ANO2: variants seen among roughly 807,000 people sequenced by gnomAD.
ANO2 encodes the protein anoctamin-2.
Under a neutral mutation model 124.2 loss-of-function variants are expected in ANO2, and 101 were observed. The ratio of observed to expected loss-of-function variants is 0.81; its 90% CI spans 0.69 to 0.96. ANO2 has a LOEUF of 0.96. Ranked by LOEUF, ANO2 falls within the 40% of genes least tolerant of loss-of-function variation. The probability of loss-of-function intolerance (pLI) is 0.00; values close to 1 mark genes in which losing one functional copy is unlikely to be tolerated. For missense variants in ANO2, 1,293 were observed against 1,274.5 expected (o/e 1.01, Z -0.22); for synonymous variants, 486 against 482.5 (o/e 1.01, Z -0.09).
intron 14 of ANO2, among the ~76,000 whole-genome samples, chr12:5,709,058 C>T (rs542158137): frequency 6.6e-6 from 1 of 152,324 alleles, no homozygotes; most frequent in South Asian, 2.1e-4. Context: ...GCTCAATAAG[C>T]ACTTTTTAAA....
chr12:5,750,033 C>A (rs1326551221), intron 11 of ANO2, among the ~76,000 whole-genome samples: 1 of 151,902 alleles, frequency 6.6e-6, no homozygotes, highest in Admixed American at 6.6e-5. Context: ...TGGGCTCAAG[C>A]AGTTCTCCTG....
intron 18 of ANO2, 31 bp downstream of exon 18, chr12:5,612,870 C>T: frequency 6.2e-7 from 1 of 1,613,228 alleles, no homozygotes; most frequent in East Asian, 2.2e-5. Flanking sequence ...GGTTGGGGTG[C>T]CAGGCATGAA....
At chr12:5,712,392 G>A (rs932924571) in intron 14 of ANO2, among the ~76,000 whole-genome samples, 3 of 152,260 alleles carry the variant, frequency 2.0e-5, no homozygotes, top group South Asian at 2.1e-4. Context: ...GTCCTTGTAA[G>A]TGACAGAGGG....
At chr12:5,817,068 A>G (rs533428704) in intron 7 of ANO2, among the ~76,000 whole-genome samples, 12 of 152,338 alleles carry the variant, frequency 7.9e-5, no homozygotes, top group African/African-American at 2.9e-4. Flanking sequence ...AAACCCTCAG[A>G]TTCTCACACA....
chr12:5,630,273 C>A (rs1002643859), intron 16 of ANO2, among the ~76,000 whole-genome samples: 1 of 152,202 alleles, frequency 6.6e-6, no homozygotes, highest in Non-Finnish European at 1.5e-5. Context: ...GAATGGCAAA[C>A]GAAGTCTTAA....
At chr12:5,946,008 G>T, upstream of ANO2, 1 of 942,950 alleles carries the variant, frequency 1.1e-6, no homozygotes. This position sits in a 1 kb window ranked among gnomAD's most constrained non-coding sequence, Gnocchi z 4.1. Flanking sequence ...GGGATGGGAG[G>T]GAAGACCTCC....
intron 7 of ANO2, among the ~76,000 whole-genome samples, chr12:5,827,507 G>A (rs1345891439): frequency 6.6e-6 from 1 of 152,208 alleles, no homozygotes. Context: ...GGCGGTACAG[G>A]GAAAAGAGAA....
intron 19 of ANO2, among the ~76,000 whole-genome samples, chr12:5,600,091 C>T (rs1349072310): frequency 6.6e-6 from 1 of 152,218 alleles, no homozygotes; most frequent in African/African-American, 2.4e-5. Flanking sequence ...CCCACCACTA[C>T]TATGGACTGA....
rs967004511 is a variant in ANO2 at position 5,905,443 on chromosome 12, T to C, written c.534+15597A>G. Among the ~76,000 whole-genome samples the C allele has an allele frequency of 3.3e-5, 5 of 152,268 alleles. No individual in the cohort carries two copies. The South Asian group carries it at 1.0e-3, about 32-fold the overall frequency. ...GAAGCATCTCTTATTACTAATAACTTCAAAAGCAGAAGTACAGGGATCAGA... is the reference window on the plus strand; with the variant it reads ...GAAGCATCTCTTATTACTAATAACTCCAAAAGCAGAAGTACAGGGATCAGA... On this transcript the variant is annotated intron_variant, in intron 3 of 24. Coordinates refer to ENST00000682330, the MANE Select transcript of ANO2 (RefSeq NM_001364791.2).
At chr12:5,846,774 T>C (rs536331326) in intron 4 of ANO2, among the ~76,000 whole-genome samples, 162 of 152,350 alleles carry the variant, frequency 1.1e-3, no homozygotes, top group Middle Eastern at 6.8e-3. Flanking sequence ...CTTTCTCTTA[T>C]AGGGATACCT....
chr12:5,784,080 C>A (rs1412318289), intron 10 of ANO2, among the ~76,000 whole-genome samples: 1 of 152,200 alleles, frequency 6.6e-6, no homozygotes, highest in African/African-American at 2.4e-5. Context: ...ACTCTTCATT[C>A]CAGCTACAGT....
chr12:5,867,878 C>T (rs964672034), intron 3 of ANO2, among the ~76,000 whole-genome samples: 1 of 150,210 alleles, frequency 6.7e-6, no homozygotes, highest in Non-Finnish European at 1.5e-5. Context: ...TGAAAATAAT[C>T]CTTTAAGAGT....
At chr12:5,683,480 A>G (rs1406796183) in intron 14 of ANO2, among the ~76,000 whole-genome samples, 1 of 152,028 alleles carries the variant, frequency 6.6e-6, no homozygotes, top group East Asian at 1.9e-4. Context: ...CAAGCAAACA[A>G]CAGATTTAAA....
At chr12:5,825,732 A>G (rs982371075) in intron 7 of ANO2, among the ~76,000 whole-genome samples, 2 of 152,222 alleles carry the variant, frequency 1.3e-5, no homozygotes, top group African/African-American at 2.4e-5. Flanking sequence ...AAGAGTGTAC[A>G]TGCAATACAG....
At chr12:5,702,597 C>G (rs1949450139) in intron 14 of ANO2, among the ~76,000 whole-genome samples, 1 of 151,522 alleles carries the variant, frequency 6.6e-6, no homozygotes, top group Non-Finnish European at 1.5e-5. Flanking sequence ...GACCATCATA[C>G]CGAAAACAAT....
At chr12:5,841,519 C>A (rs1954513708) in intron 4 of ANO2, among the ~76,000 whole-genome samples, 1 of 152,242 alleles carries the variant, frequency 6.6e-6, no homozygotes, top group Non-Finnish European at 1.5e-5. Context: ...TAAAACCAAA[C>A]TTTTAAAATT....
chr12:5,811,661 T>G (rs1953394569), intron 7 of ANO2, among the ~76,000 whole-genome samples: 1 of 152,222 alleles, frequency 6.6e-6, no homozygotes, highest in Non-Finnish European at 1.5e-5. Context: ...CAATGAGGCT[T>G]GAGTTTCTTT....
At chr12:5,740,993 T>C (rs1323823994) in intron 12 of ANO2, 1 of 152,562 alleles carries the variant, frequency 6.6e-6, no homozygotes, top group African/African-American at 2.4e-5. Context: ...CCCTCTTCCA[T>C]AACATCAGTC....
intron 23 of ANO2, among the ~76,000 whole-genome samples, chr12:5,574,187 G>A (rs1481883434): frequency 1.3e-5 from 2 of 152,184 alleles, no homozygotes; most frequent in Admixed American, 6.5e-5. Flanking sequence ...CTTTGGTCAA[G>A]TGCTTTATTG....
Sources: allele counts gnomAD v4.1 joint callset (sites outside exome capture counted in the v4.1 genomes callset), GRCh38; gene constraint gnomAD v4.1.1; non-coding constraint Gnocchi (gnomAD v3.1); transcripts MANE v1.5; gene names NCBI Gene and HGNC (gene_info 2026-07-23, HGNC 2026-07-21).